EMCN: variants seen among roughly 807,000 people sequenced by gnomAD.
EMCN encodes MUC-14.
EMCN carries 37 observed loss-of-function variants against 38.4 expected under a neutral mutation model. The observed-to-expected ratio is 0.96, with a 90% CI of 0.74 to 1.27. The LOEUF is 1.27. Among genes scored for constraint, EMCN ranks in the 50% most tolerant of loss-of-function variants. EMCN has a pLI of 0.00. For synonymous variants in EMCN, 95 were observed against 100.8 expected (o/e 0.94, Z 0.35); for missense variants, 318 against 302.8 (o/e 1.05, Z -0.37).
At chr4:100,457,317 T>G (rs1728046343) in intron 4 of EMCN, among the ~76,000 whole-genome samples, 1 of 152,088 alleles carries the variant, frequency 6.6e-6, no homozygotes, top group Non-Finnish European at 1.5e-5. Flanking sequence ...TTTTCTTTCC[T>G]GATTGCTCTG....
intron 11 of EMCN, among the ~76,000 whole-genome samples, chr4:100,400,360 T>G (rs35787603): frequency 0.13 from 19,574 of 151,754 alleles, 2,283 homozygotes; most frequent in East Asian, 0.56. Flanking sequence ...CACATTTTTT[T>G]TTTTTGTTTT....
intron 4 of EMCN, among the ~76,000 whole-genome samples, chr4:100,448,134 C>G (rs975939435): frequency 6.6e-6 from 1 of 152,016 alleles, no homozygotes; most frequent in Admixed American, 6.6e-5. Context: ...CAGACAGATA[C>G]TTTTAAAATG....
intron 5 of EMCN, among the ~76,000 whole-genome samples, chr4:100,433,564 C>A (rs989656248): frequency 6.6e-6 from 1 of 151,322 alleles, no homozygotes; most frequent in African/African-American, 2.4e-5. Flanking sequence ...ATTTGACAGT[C>A]TCACTCTGTC....
intron 5 of EMCN, among the ~76,000 whole-genome samples, chr4:100,430,618 G>A (rs900691463): frequency 6.6e-6 from 1 of 152,114 alleles, no homozygotes; most frequent in African/African-American, 2.4e-5. Context: ...TGATTGCTGG[G>A]CAGCTCACCA....
chr4:100,470,736 A>G (rs1439333727), intron 3 of EMCN, among the ~76,000 whole-genome samples: 2 of 152,122 alleles, frequency 1.3e-5, no homozygotes, highest in Non-Finnish European at 2.9e-5. Context: ...CTCTGCAGGA[A>G]TATGGATGAA....
At chr4:100,451,359 T>A (rs951121052) in intron 4 of EMCN, among the ~76,000 whole-genome samples, 7 of 151,782 alleles carry the variant, frequency 4.6e-5, no homozygotes, top group African/African-American at 1.7e-4. Flanking sequence ...TATGAATGTG[T>A]AGAATTTGAA....
chr4:100,461,491 AG>A (rs1224212737), intron 4 of EMCN, among the ~76,000 whole-genome samples: 1 of 152,204 alleles, frequency 6.6e-6, no homozygotes, highest in Non-Finnish European at 1.5e-5. Context: ...ATCCTCTGAA[AG>A]ATTTTTAGTA....
intron 4 of EMCN, among the ~76,000 whole-genome samples, chr4:100,464,777 G>A (rs868423549): frequency 2.0e-5 from 3 of 151,624 alleles, no homozygotes; most frequent in African/African-American, 4.8e-5. Flanking sequence ...ATATTTTATC[G>A]AGGATATTTG....
intron 4 of EMCN, among the ~76,000 whole-genome samples, chr4:100,456,084 G>GAC (rs1296535050): frequency 6.6e-6 from 1 of 152,108 alleles, no homozygotes; most frequent in Non-Finnish European, 1.5e-5. Flanking sequence ...GGGTTGGGGA[G>GAC]ACACCACACC....
At chr4:100,453,941 C>A (rs371898483) in intron 4 of EMCN, among the ~76,000 whole-genome samples, 1 of 148,910 alleles carries the variant, frequency 6.7e-6, no homozygotes, top group African/African-American at 2.5e-5. Context: ...CCAAACACCG[C>A]GTGTTCTCAC....
At chr4:100,434,331 A>G (rs1215452882) in intron 5 of EMCN, among the ~76,000 whole-genome samples, 1 of 151,172 alleles carries the variant, frequency 6.6e-6, no homozygotes, top group Non-Finnish European at 1.5e-5. Context: ...GAATCCCTGA[A>G]TAGACCAAAA....
intron 5 of EMCN, among the ~76,000 whole-genome samples, chr4:100,442,564 T>C (rs1200959116): frequency 6.6e-6 from 1 of 152,120 alleles, no homozygotes; most frequent in Non-Finnish European, 1.5e-5. Context: ...GTCTTCACTA[T>C]TTTTTATTCT....
chr4:100,457,305 C>A (rs912147925), intron 4 of EMCN, among the ~76,000 whole-genome samples: 1 of 151,690 alleles, frequency 6.6e-6, no homozygotes, highest in Non-Finnish European at 1.5e-5. Flanking sequence ...CTTTTAATTT[C>A]TTTTTCTTTC....
At chr4:100,413,482 A>G (rs1185997749) in intron 10 of EMCN, among the ~76,000 whole-genome samples, 1 of 152,212 alleles carries the variant, frequency 6.6e-6, no homozygotes, top group African/African-American at 2.4e-5. Context: ...GCATAGCATT[A>G]TAAAGAAAAG....
At chr4:100,455,204 C>A (rs1727976125) in intron 4 of EMCN, among the ~76,000 whole-genome samples, 2 of 151,866 alleles carry the variant, frequency 1.3e-5, no homozygotes, top group Admixed American at 6.6e-5. Flanking sequence ...ATAGTTATAA[C>A]CTTTCTCTCA....
At chr4:100,481,228 T>C (rs1728796914) in intron 1 of EMCN, among the ~76,000 whole-genome samples, 1 of 152,156 alleles carries the variant, frequency 6.6e-6, no homozygotes, top group South Asian at 2.1e-4. Context: ...TGTATGTCAA[T>C]AGTATGACTT....
intron 3 of EMCN, among the ~76,000 whole-genome samples, chr4:100,468,299 A>T (rs1174016677): frequency 6.6e-6 from 1 of 152,202 alleles, no homozygotes; most frequent in Non-Finnish European, 1.5e-5. Context: ...TGGAATTGTT[A>T]ACGTGTAATT....
At chr4:100,449,961 A>G (rs1267264945) in intron 4 of EMCN, among the ~76,000 whole-genome samples, 3 of 152,036 alleles carry the variant, frequency 2.0e-5, no homozygotes, top group Non-Finnish European at 2.9e-5. Context: ...GTGTTTTTAC[A>G]TAAATACAAC....
intron 5 of EMCN, among the ~76,000 whole-genome samples, chr4:100,424,775 G>A (rs894855952): frequency 2.6e-5 from 4 of 152,064 alleles, no homozygotes; most frequent in Non-Finnish European, 5.9e-5. Flanking sequence ...GTGTCAAGTA[G>A]TTTAGTGAGG....
Sources: gnomAD v4.1 joint callset for allele counts (sites outside exome capture counted in the v4.1 genomes callset) on GRCh38, gnomAD v4.1.1 for gene constraint, MANE v1.5 for transcripts, NCBI Gene and HGNC (gene_info 2026-07-23, HGNC 2026-07-21) for gene names.